Variants in SIRT6 observed in about 807,000 individuals in gnomAD.
SIRT6 encodes sirtuin 6.
In SIRT6, 21 loss-of-function variants were observed where a neutral mutation model predicts 33.6. The ratio of observed to expected loss-of-function variants is 0.62; its 90% CI spans 0.44 to 0.90. The LOEUF (loss-of-function observed/expected upper bound fraction) is 0.90. Ranked by LOEUF, SIRT6 falls within the 40% of genes least tolerant of loss-of-function variation. SIRT6 has a pLI of 0.00. For synonymous variants in SIRT6, 221 were observed against 223.9 expected (o/e 0.99, Z 0.12); for missense variants, 504 against 510.6 (o/e 0.99, Z 0.12).
At chr19:4,177,045 A>G in intron 4 of SIRT6, 34 bp downstream of exon 4, 3 of 1,591,424 alleles carry the variant, frequency 1.9e-6, no homozygotes, top group Non-Finnish European at 2.6e-6. Flanking sequence ...CCCCTCTGGC[A>G]GAGCCCCCAC....
intron 3 of SIRT6, among the ~76,000 whole-genome samples, chr19:4,177,596 T>C (rs1967380339): frequency 6.6e-6 from 1 of 152,124 alleles, no homozygotes; most frequent in African/African-American, 2.4e-5. Context: ...GTTTTGCTCT[T>C]GTTGCCCAGG....
At chr19:4,175,583 G>A (rs569396600) in intron 6 of SIRT6, 97 bp downstream of exon 6, 4 of 1,252,042 alleles carry the variant, frequency 3.2e-6, no homozygotes, top group Admixed American at 5.8e-5. Context: ...CTCACTGCCT[G>A]TGAGCCTCAG....
At chr19:4,179,558 G>GA in intron 2 of SIRT6, 1 of 505,532 alleles carries the variant, frequency 2.0e-6, no homozygotes, top group Non-Finnish European at 3.5e-6. Flanking sequence ...GAGAGAGGGA[G>GA]AGGCAGAGAG....
At position 4,182,511 on chromosome 19, in the gene SIRT6, G is replaced by A. The variant is rs1484727737; in HGVS notation, c.29C>T (p.Ser10Leu). ...GCACTTGCCCTTGTCCGCGTACGGC[G>A]ACAGCCCCGCCGCGTAATTCACCGA... is the stretch of plus-strand genomic sequence containing the variant. MSVNYAAGLSPYADKGKCGL... is the reference protein window; with the variant it reads MSVNYAAGLLPYADKGKCGL... Residue 10 changes from serine to leucine, a missense_variant, in exon 1 of 8, where the codon TCG becomes TTG. Transcript: ENST00000337491. 1.9e-6 allele frequency: 3 copies of A among 1,611,342 alleles called. No individual in the cohort carries two copies. The highest frequency in any genetic ancestry group is 1.7e-4 in the Middle Eastern group (1 of 6,060).
At chr19:4,179,329 C>G in intron 2 of SIRT6, 43 bp from the exon 3 acceptor site, 2 of 1,525,308 alleles carry the variant, frequency 1.3e-6, no homozygotes, top group Non-Finnish European at 1.8e-6. Context: ...GAGAGGGGAA[C>G]AGAAAAAGAG....
intron 4 of SIRT6, among the ~76,000 whole-genome samples, 160 bp from the exon 5 acceptor site, chr19:4,176,097 G>T (rs986502496): frequency 1.3e-5 from 2 of 152,150 alleles, no homozygotes; most frequent in African/African-American, 4.8e-5. Flanking sequence ...ATGAATAACG[G>T]GCTGGGATGC....
chr19:4,175,519 G>T, intron 6 of SIRT6, 161 bp downstream of exon 6: 2 of 671,560 alleles, frequency 3.0e-6, no homozygotes, highest in Non-Finnish European at 4.9e-6. Flanking sequence ...ACGAGTGTGT[G>T]TGAGTGCGTG....
At chr19:4,181,322 G>T (rs903494057) in intron 1 of SIRT6, among the ~76,000 whole-genome samples, 1 of 152,190 alleles carries the variant, frequency 6.6e-6, no homozygotes, top group African/African-American at 2.4e-5. Flanking sequence ...TGGCTTAGAT[G>T]TCACTTCAGT....
intron 2 of SIRT6, 93 bp downstream of exon 2, chr19:4,180,689 G>A: frequency 1.3e-6 from 2 of 1,488,936 alleles, no homozygotes; most frequent in Non-Finnish European, 1.8e-6. Flanking sequence ...AAAGCAGATG[G>A]ATGTGTTCTC....
chr19:4,180,863 G>A lies in SIRT6; in HGVS notation c.113C>T (p.Ala38Val), dbSNP rs775473710. ...EELERKVWEL[A>V]RLVWQSSSVV... ...ACTGGAAGACTGCCAGACCAGCCTC[G>A]CCAGTTCCCACACCTTCCGCTCCAG... Residue 38 changes from alanine to valine, a missense_variant, in exon 2 of 8, where the codon GCG (alanine) becomes GTG (valine). By Grantham distance (64) the Ala-to-Val change is moderately conservative (BLOSUM62 0). Transcript: ENST00000337491. 3.1e-6 allele frequency: 5 copies of A among 1,613,620 alleles called. No individual in the cohort carries two copies. Among genetic ancestry groups the A allele is most frequent in the Admixed American group, 1.7e-5 (1 of 59,966 alleles).
intron 4 of SIRT6, 77 bp from the exon 5 acceptor site, chr19:4,176,014 G>T (rs569333713): frequency 1.5e-6 from 2 of 1,324,768 alleles, no homozygotes; most frequent in Non-Finnish European, 2.1e-6. Context: ...CTAGGGTGAC[G>T]TTCTCCCAGG....
intron 2 of SIRT6, 45 bp from the exon 3 acceptor site, chr19:4,179,331 G>C: frequency 6.6e-7 from 1 of 1,522,644 alleles, no homozygotes; most frequent in Non-Finnish European, 8.8e-7. Flanking sequence ...GAGGGGAACA[G>C]AAAAAGAGAC....
chr19:4,175,204 C>A, intron 6 of SIRT6, 53 bp from the exon 7 acceptor site: 1 of 1,551,310 alleles, frequency 6.4e-7, no homozygotes, highest in Non-Finnish European at 8.7e-7. Flanking sequence ...GCCAACATCC[C>A]GAGCCAGCCC....
At chr19:4,176,962 T>G in intron 4 of SIRT6, 117 bp downstream of exon 4, 2 of 511,266 alleles carry the variant, frequency 3.9e-6, no homozygotes, top group Non-Finnish European at 6.1e-6. Context: ...CGCCCCCAGA[T>G]CCCCCCAGGA....
rs1215550033 is a variant in SIRT6, at chr19:4,174,317, C to T, written c.*300G>A. 3.7e-6 allele frequency: 1 copy of T among 272,810 alleles called. No homozygotes were observed. Among genetic ancestry groups the T allele is most frequent in the Non-Finnish European group, 6.8e-6 (1 of 146,810 alleles). 16.9% of individuals were successfully genotyped at this position (272,810 alleles called of 1,614,324 possible). On this transcript the variant is annotated 3_prime_UTR_variant, in exon 8 of 8. Transcript: ENST00000337491. This position sits in a 1 kb window ranked among gnomAD's most constrained non-coding sequence, Gnocchi z 4.2. ...CCCTGGGGACAGAGGGAGTTCACTC[C>T]TGTTTAAGCTGGAGACCAGGGAGGG...
intron 2 of SIRT6, 49 bp from the exon 3 acceptor site, chr19:4,179,335 A>G: frequency 1.3e-6 from 2 of 1,518,612 alleles, no homozygotes; most frequent in South Asian, 1.2e-5. Context: ...GGAACAGAAA[A>G]AGAGACAGAG....
At chr19:4,179,971 CAGGGCTGGGGCAGGA>C (rs1428201877) in intron 2 of SIRT6, among the ~76,000 whole-genome samples, 1 of 151,828 alleles carries the variant, frequency 6.6e-6, no homozygotes, top group East Asian at 1.9e-4. Context: ...AGAGGTGATT[CAGGGCTGGGGCAGGA>C]AGGGCTTCAG....
Position 4,174,637 on chromosome 19 carries a change from C to T in SIRT6, c.1048G>A (p.Ala350Thr). The change falls in exon 8 of 8, where the codon GCC becomes ACC. Residue 350 changes from alanine to threonine, a missense_variant. Physicochemically the swap from Ala to Thr is moderately conservative, Grantham distance 58. Coordinates refer to ENST00000337491, the MANE Select transcript of SIRT6 (RefSeq NM_016539.4). This position sits in a 1 kb window ranked among gnomAD's most constrained non-coding sequence, Gnocchi z 4.2. ...APHRPPKRVK[A>T]KAVPS ...CCTGGTCAGCTGGGGACCGCCTTGG[C>T]CTTCACCCTTTTGGGGGGTCTGTGG... is the stretch of plus-strand genomic sequence containing the variant. 1.4e-6 allele frequency: 2 copies of T among 1,448,392 alleles called. No homozygotes were observed. The highest frequency in any genetic ancestry group is 1.8e-6 in the Non-Finnish European group (2 of 1,097,672). The allele number at this position is 1,448,392 out of a possible 1,614,324, so 89.7% of individuals were successfully genotyped here.
At chr19:4,176,927 C>G in intron 4 of SIRT6, 152 bp downstream of exon 4, 1 of 519,114 alleles carries the variant, frequency 1.9e-6, no homozygotes, top group Non-Finnish European at 3.3e-6. Flanking sequence ...AGACATACTC[C>G]TTATATCCCC....
Sources: allele counts gnomAD v4.1 joint callset (sites outside exome capture counted in the v4.1 genomes callset), GRCh38; gene constraint gnomAD v4.1.1; non-coding constraint Gnocchi (gnomAD v3.1); transcripts MANE v1.5; gene names NCBI Gene and HGNC (gene_info 2026-07-23, HGNC 2026-07-21).